Variants in BANK1 observed in about 807,000 individuals in gnomAD.
BANK1 encodes the protein B-cell scaffold protein with ankyrin repeats.
In BANK1, 95 loss-of-function variants were observed where a neutral mutation model predicts 94.5. That is an observed-to-expected ratio of 1.00 (90% confidence interval 0.85 to 1.19). BANK1 has a LOEUF of 1.19. Among genes scored for constraint, BANK1 ranks in the 50% most tolerant of loss-of-function variants. The pLI is 0.00. For missense variants in BANK1, 987 were observed against 932.2 expected (o/e 1.06, Z -0.77); for synonymous variants, 334 against 308.4 (o/e 1.08, Z -0.87).
intron 2 of BANK1, among the ~76,000 whole-genome samples, chr4:101,851,636 T>G (rs1276822608): frequency 6.6e-6 from 1 of 152,156 alleles, no homozygotes; most frequent in East Asian, 1.9e-4. Context: ...AATATCCTGG[T>G]CAAAACACCT....
chr4:102,050,295 C>G (rs951415233), intron 11 of BANK1, among the ~76,000 whole-genome samples: 3 of 152,116 alleles, frequency 2.0e-5, no homozygotes, highest in Non-Finnish European at 4.4e-5. Context: ...CTAACAAAAC[C>G]ATGTCTTTGA....
chr4:102,057,193 A>C (rs1728253477), intron 11 of BANK1, among the ~76,000 whole-genome samples: 1 of 151,818 alleles, frequency 6.6e-6, no homozygotes, highest in Non-Finnish European at 1.5e-5. Context: ...AAAATAACTT[A>C]AGCTTTAAAT....
intron 1 of BANK1, among the ~76,000 whole-genome samples, chr4:101,819,674 C>G (rs1328641675): frequency 6.6e-6 from 1 of 152,172 alleles, no homozygotes; most frequent in Admixed American, 6.5e-5. Flanking sequence ...ACTCAGACTT[C>G]ATTATTCTCC....
chr4:101,918,134 A>G lies in BANK1; in HGVS notation c.1151A>G (p.His384Arg), dbSNP rs767315450. 5 of 1,602,616 alleles carry G rather than the reference A, an allele frequency of 3.1e-6. No homozygotes were observed. The highest frequency in any genetic ancestry group is 4.3e-6 in the Non-Finnish European group (5 of 1,172,766). ...MKNMEGSDPA[H>R]IAERHGHKEL... Reference sequence around the variant, plus strand: ...AATATGGAGGGTTCAGACCCCGCACATATTGCTGAAAGGCATGGTCACAAA... The same window carrying G: ...AATATGGAGGGTTCAGACCCCGCACGTATTGCTGAAAGGCATGGTCACAAA... Residue 384 changes from histidine to arginine, a missense_variant, in exon 7 of 17, where the codon CAT becomes CGT. Coordinates refer to ENST00000322953, the MANE Select transcript of BANK1 (RefSeq NM_017935.5).
chr4:102,014,554 T>C (rs769259564), intron 7 of BANK1, among the ~76,000 whole-genome samples: 26 of 152,268 alleles, frequency 1.7e-4, no homozygotes, highest in Middle Eastern at 3.4e-3. Context: ...CACTATTTAG[T>C]CAAATGAGTC....
intron 7 of BANK1, among the ~76,000 whole-genome samples, chr4:101,964,556 C>T (rs1724681400): frequency 6.6e-6 from 1 of 151,844 alleles, no homozygotes; most frequent in African/African-American, 2.4e-5. Flanking sequence ...ACAGTTTTAA[C>T]TAGCATGTAC....
intron 7 of BANK1, among the ~76,000 whole-genome samples, chr4:101,920,464 C>T (rs780684547): frequency 6.6e-6 from 1 of 151,892 alleles, no homozygotes; most frequent in Non-Finnish European, 1.5e-5. Context: ...CATTATACTA[C>T]TAAAATACTT....
intron 1 of BANK1, among the ~76,000 whole-genome samples, chr4:101,823,304 T>A (rs1726243374): frequency 6.6e-6 from 1 of 152,214 alleles, no homozygotes; most frequent in African/African-American, 2.4e-5. Context: ...TGTATATAAA[T>A]CATGTAGACA....
intron 3 of BANK1, among the ~76,000 whole-genome samples, chr4:101,856,654 C>T (rs1020654863): frequency 2.6e-5 from 4 of 152,260 alleles, no homozygotes; most frequent in South Asian, 4.1e-4. Context: ...TCAAAGAAAT[C>T]AGTCCCAAAA....
intron 2 of BANK1, among the ~76,000 whole-genome samples, chr4:101,848,212 G>A (rs992131208): frequency 6.6e-6 from 1 of 152,096 alleles, no homozygotes; most frequent in African/African-American, 2.4e-5. Flanking sequence ...TTTGGGGGGG[G>A]TCTCCTGGGT....
At chr4:101,884,727 T>C (rs1255995374) in intron 5 of BANK1, among the ~76,000 whole-genome samples, 4 of 152,214 alleles carry the variant, frequency 2.6e-5, no homozygotes, top group Admixed American at 2.6e-4. Context: ...CATATCAATG[T>C]TACTTACTAA....
intron 4 of BANK1, among the ~76,000 whole-genome samples, chr4:101,867,176 T>A (rs12511984): frequency 0.1 from 3,396 of 33,210 alleles, 744 homozygotes; most frequent in African/African-American, 0.32. Context: ...AAAAAAAATT[T>A]AAAAAAAAAA....
At chr4:102,035,419 C>G (rs918371379) in intron 10 of BANK1, among the ~76,000 whole-genome samples, 2 of 151,900 alleles carry the variant, frequency 1.3e-5, no homozygotes, top group Non-Finnish European at 2.9e-5. Context: ...GAGGCCGAGG[C>G]GGGCGGATCA....
chr4:102,063,258 C>T, intron 13 of BANK1, 120 bp downstream of exon 13: 1 of 829,946 alleles, frequency 1.2e-6, no homozygotes. Flanking sequence ...AGCTGTCTAA[C>T]CTGGAGAGGG....
In BANK1 at chr4:101,934,878, C is replaced by T. The variant is rs570846038; in HGVS notation, c.1206+16689C>T. Among the ~76,000 whole-genome samples the T allele has an allele frequency of 1.3e-4, 20 of 151,610 alleles. No homozygotes were observed. The East Asian group carries it at 3.3e-3, about 25-fold the overall frequency. On this transcript the variant is annotated intron_variant, in intron 7 of 16. Coordinates refer to ENST00000322953, the MANE Select transcript of BANK1 (RefSeq NM_017935.5). ...TTCATTGCACACTTATTTTATGAGC[C>T]GTGTTTACCTGCCCTTTTCACAGCA...
intron 7 of BANK1, among the ~76,000 whole-genome samples, chr4:101,949,268 C>T (rs553975294): frequency 6.6e-6 from 1 of 152,058 alleles, no homozygotes; most frequent in Admixed American, 6.6e-5. Context: ...CACAGAGAAG[C>T]AAAAAAGAAA....
rs138860704 is a variant in BANK1, at chr4:101,864,590, A to C, written c.763+1926A>C. Among the ~76,000 whole-genome samples, 991 of 152,240 alleles carry C rather than the reference A, an allele frequency of 6.5e-3. 12 individuals carry two copies. Among genetic ancestry groups the C allele is most frequent in the African/African-American group, 0.023 (953 of 41,544 alleles). ...AGATGCAGGTGTGATACCTTTCCTC[A>C]CCATCATAAGGGTCACAGTTGTCAC... On this transcript the variant is annotated intron_variant, in intron 4 of 16. Transcript: ENST00000322953.
intron 7 of BANK1, among the ~76,000 whole-genome samples, chr4:101,927,677 G>A (rs933676750): frequency 6.6e-6 from 1 of 151,668 alleles, no homozygotes; most frequent in Non-Finnish European, 1.5e-5. Context: ...AAAAGAAAGT[G>A]TGTAGTTACT....
intron 7 of BANK1, among the ~76,000 whole-genome samples, chr4:101,937,963 A>C (rs536029676): frequency 1.3e-5 from 2 of 151,876 alleles, no homozygotes; most frequent in Non-Finnish European, 2.9e-5. Context: ...GCTGGAAACC[A>C]TAATTCTCAG....
Sources: allele counts gnomAD v4.1 joint callset (sites outside exome capture counted in the v4.1 genomes callset), GRCh38; gene constraint gnomAD v4.1.1; transcripts MANE v1.5; gene names NCBI Gene and HGNC (gene_info 2026-07-23, HGNC 2026-07-21).